Variants in INO80D observed in about 807,000 individuals in gnomAD.
INO80D encodes INO80 complex subunit D.
INO80D carries 21 observed loss-of-function variants against 87.6 expected under a neutral mutation model. The observed-to-expected ratio is 0.24, with a 90% CI of 0.17 to 0.35. The LOEUF is 0.35. Among genes scored for constraint, INO80D ranks in the 10% least tolerant of loss-of-function variants. The pLI, the probability that INO80D is intolerant of heterozygous loss-of-function variation, is 1.00. For missense variants in INO80D, 982 were observed against 1,280.7 expected (o/e 0.77, Z 3.56); for synonymous variants, 440 against 491.0 (o/e 0.90, Z 1.37).
At chr2:206,084,956 G>A (rs1441728190) in intron 1 of INO80D, among the ~76,000 whole-genome samples, 1 of 152,206 alleles carries the variant, frequency 6.6e-6, no homozygotes, top group East Asian at 1.9e-4. Context: ...AACCTGGGGG[G>A]CTCTAGGGGG....
chr2:206,014,227 A>G (rs2105809294), intron 8 of INO80D, among the ~76,000 whole-genome samples: 1 of 152,240 alleles, frequency 6.6e-6, no homozygotes, highest in Admixed American at 6.5e-5. Context: ...ATTATTCAAC[A>G]TTTGTAATAT....
In INO80D at chr2:206,027,110, T is replaced by C. The variant is rs1193476080; in HGVS notation, c.1298+1001A>G. Among the ~76,000 whole-genome samples the C allele has an allele frequency of 2.6e-5, 4 of 152,174 alleles. No individual in the cohort carries two copies. The East Asian group carries it at 5.8e-4, about 22-fold the overall frequency. On this transcript the variant is annotated intron_variant, in intron 6 of 10. Coordinates refer to ENST00000403263, the MANE Select transcript of INO80D (RefSeq NM_017759.5). The stretch of plus-strand genomic sequence containing the variant: ...ATGATTTCAATTTTGCTTTTTAATA[T>C]AAACACATGGCTCACTGGAAAATTT...
chr2:205,994,004 C>G lies in INO80D; in HGVS notation c.*10364G>C, dbSNP rs1184039735. 3 of 152,144 alleles carry G rather than the reference C, an allele frequency of 2.0e-5. No individual in the cohort carries two copies. The highest frequency in any genetic ancestry group is 4.4e-5 in the Non-Finnish European group (3 of 68,026). 9.4% of individuals were successfully genotyped at this position (152,144 alleles called of 1,614,324 possible). A position where few individuals can be genotyped will look rare whatever the true frequency, so the allele number is the denominator to read the frequency against. On this transcript the variant is annotated 3_prime_UTR_variant, in exon 11 of 11. Coordinates refer to ENST00000403263, the MANE Select transcript of INO80D (RefSeq NM_017759.5). ...TATATATGGAAAATGTGAGCCATCT[C>G]TTCTTGTTTAAAGGGAAATTACAAA... is the stretch of plus-strand genomic sequence containing the variant.
At chr2:206,082,567 T>A (rs577451281) in intron 1 of INO80D, among the ~76,000 whole-genome samples, 1 of 152,332 alleles carries the variant, frequency 6.6e-6, no homozygotes, top group East Asian at 1.9e-4. Context: ...CAGAGCTGCA[T>A]GTGTAAGTTA....
intron 9 of INO80D, among the ~76,000 whole-genome samples, chr2:206,008,159 T>G (rs899323763): frequency 6.6e-6 from 1 of 152,012 alleles, no homozygotes; most frequent in South Asian, 2.1e-4. Flanking sequence ...TTTTTGTTTG[T>G]TTTTAGTAGA....
intron 10 of INO80D, among the ~76,000 whole-genome samples, chr2:206,006,287 T>A (rs1256589771): frequency 6.6e-6 from 1 of 152,132 alleles, no homozygotes; most frequent in Non-Finnish European, 1.5e-5. Flanking sequence ...CCTGAAAGCA[T>A]GGGGGAATTG....
At chr2:206,025,118 G>A (rs1169681301) in intron 6 of INO80D, among the ~76,000 whole-genome samples, 1 of 151,728 alleles carries the variant, frequency 6.6e-6, no homozygotes, top group Non-Finnish European at 1.5e-5. Context: ...ATAAAAATGA[G>A]ACTGTACAAA....
At chr2:206,061,908 G>C (rs1360160437) in intron 3 of INO80D, among the ~76,000 whole-genome samples, 1 of 152,160 alleles carries the variant, frequency 6.6e-6, no homozygotes, top group Non-Finnish European at 1.5e-5. Context: ...CAAGTATCTT[G>C]AAACTTTTGG....
intron 4 of INO80D, among the ~76,000 whole-genome samples, chr2:206,055,996 A>T (rs1207000040): frequency 1.3e-5 from 2 of 152,172 alleles, no homozygotes; most frequent in Non-Finnish European, 2.9e-5. Flanking sequence ...AAGACCTGGA[A>T]CCAATCCACC....
Position 205,994,874 on chromosome 2 carries a change from C to CAAAAAAAAAAAA in INO80D, c.*9482_*9493dup, listed in dbSNP as rs11306784. On this transcript the variant is annotated 3_prime_UTR_variant, in exon 11 of 11. Coordinates refer to ENST00000403263, the MANE Select transcript of INO80D (RefSeq NM_017759.5). ...TCAAGCACATGCAACTTGGAACTCGCAAAAAAAAAAAAAAAAGAAAGAAAG... is the reference window on the plus strand; with the variant it reads ...TCAAGCACATGCAACTTGGAACTCGCAAAAAAAAAAAAAAAAAAAAAAAAAAAAGAAAGAAAG... The CAAAAAAAAAAAA allele has an allele frequency of 1.0e-5, 1 of 98,414 alleles. No homozygotes were observed. Among genetic ancestry groups the CAAAAAAAAAAAA allele is most frequent in the African/African-American group, 4.7e-5 (1 of 21,474 alleles). The allele number at this position is 98,414 out of a possible 1,614,324, so 6.1% of individuals were successfully genotyped here. A position where few individuals can be genotyped will look rare whatever the true frequency, so the allele number is the denominator to read the frequency against.
rs144870390 is a variant in INO80D, at chr2:206,012,528, G to A, written c.1543-2734C>T. Among the ~76,000 whole-genome samples, 1,087 of 152,208 alleles carry A rather than the reference G, an allele frequency of 7.1e-3. 14 individuals are homozygous for A. The highest frequency in any genetic ancestry group is 0.01 in the Non-Finnish European group (712 of 68,020). On this transcript the variant is annotated intron_variant, in intron 8 of 10. Coordinates refer to ENST00000403263, the MANE Select transcript of INO80D (RefSeq NM_017759.5). ...AGATAATGGTAGCCTCAACTAGAAT[G>A]GTAGCAGTGAAATTTATAAAATGTG...
chr2:206,078,801 G>A (rs1263458408), intron 1 of INO80D, among the ~76,000 whole-genome samples: 1 of 151,948 alleles, frequency 6.6e-6, no homozygotes, highest in Non-Finnish European at 1.5e-5. Context: ...AAAAATTACT[G>A]GGTGTGGTGG....
chr2:206,075,659 A>C (rs1432352355), intron 1 of INO80D, among the ~76,000 whole-genome samples: 1 of 151,652 alleles, frequency 6.6e-6, no homozygotes, highest in Non-Finnish European at 1.5e-5. Context: ...GCTGGTCTCA[A>C]ACTCCTGACA....
rs114470376 is a variant in INO80D at position 205,999,595 on chromosome 2, G to A, written c.*4773C>T. The A allele has an allele frequency of 6.6e-6, 1 of 152,040 alleles. No individual in the cohort carries two copies. The highest frequency in any genetic ancestry group is 1.5e-5 in the Non-Finnish European group (1 of 67,984). The allele number at this position is 152,040 out of a possible 1,614,324, so 9.4% of individuals were successfully genotyped here. On this transcript the variant is annotated 3_prime_UTR_variant, in exon 11 of 11. Transcript: ENST00000403263. ...GGGCTGAAGTGAAAACAGAATTTTT[G>A]CTATTTAGAAATAAGGCTCCCTAAG...
intron 1 of INO80D, among the ~76,000 whole-genome samples, chr2:206,080,682 C>T (rs952998753): frequency 4.7e-4 from 72 of 151,916 alleles, no homozygotes; most frequent in African/African-American, 1.4e-3. Flanking sequence ...CCAAGGCGGG[C>T]GGATCACGAG....
Position 206,086,026 on chromosome 2 carries a change from C to T in INO80D, c.-249G>A, listed in dbSNP as rs574842253. The T allele has an allele frequency of 1.2e-4, 18 of 152,442 alleles. No individual in the cohort carries two copies. The highest frequency in any genetic ancestry group is 4.3e-4 in the African/African-American group (18 of 41,564). 9.4% of individuals were successfully genotyped at this position (152,442 alleles called of 1,614,324 possible). A position where few individuals can be genotyped will look rare whatever the true frequency, so the allele number is the denominator to read the frequency against. ...CGCTGCTACTGCTCCCCCCTGGGCT[C>T]CGGCGAGAGCCTTTCCCTGTCAAGC... On this transcript the variant is annotated 5_prime_UTR_variant, in exon 1 of 11. Coordinates refer to ENST00000403263, the MANE Select transcript of INO80D (RefSeq NM_017759.5).
In INO80D at chr2:206,072,519, C is replaced by T. The variant is rs918977751; in HGVS notation, c.-123-9275G>A. On this transcript the variant is annotated intron_variant, in intron 1 of 10. Coordinates refer to ENST00000403263, the MANE Select transcript of INO80D (RefSeq NM_017759.5). ...TCTCGAATTCCTGTCCTCAGGTGAT[C>T]CATCCACTTCAGCCTCCCAAAGTGC... Among the ~76,000 whole-genome samples, 8 of 152,184 alleles carry T rather than the reference C, an allele frequency of 5.3e-5. No homozygotes were observed. In the East Asian group the frequency reaches 1.5e-3, roughly 29 times the overall value.
rs1688130141 is a variant in INO80D, at chr2:206,010,076, C to CAA, written c.1543-283_1543-282insTT. Reference sequence around the variant, plus strand: ...TTGACACTGTCTACACACACACACACACACACACACGCACACACACGGTTC... The same window carrying CAA: ...TTGACACTGTCTACACACACACACACAAACACACACACGCACACACACGGTTC... On this transcript the variant is annotated intron_variant, in intron 8 of 10. Coordinates refer to ENST00000403263, the MANE Select transcript of INO80D (RefSeq NM_017759.5). Among the ~76,000 whole-genome samples, 6 of 148,080 alleles carry CAA rather than the reference C, an allele frequency of 4.1e-5. 1 individual carries two copies. In the East Asian group the frequency reaches 9.7e-4, roughly 24 times the overall value.
At chr2:206,072,286 T>C (rs13005506) in intron 1 of INO80D, among the ~76,000 whole-genome samples, 3 of 135,386 alleles carry the variant, frequency 2.2e-5, no homozygotes, top group Admixed American at 1.4e-4. Context: ...TTTTGTTTGG[T>C]TTTTTTTTGA....
Sources: allele counts gnomAD v4.1 joint callset (sites outside exome capture counted in the v4.1 genomes callset), GRCh38; gene constraint gnomAD v4.1.1; transcripts MANE v1.5; gene names NCBI Gene and HGNC (gene_info 2026-07-23, HGNC 2026-07-21).